MYO5C: variants seen among roughly 807,000 people sequenced by gnomAD.
MYO5C encodes myosin VC.
MYO5C carries 194 observed loss-of-function variants against 235.7 expected under a neutral mutation model. The observed-to-expected ratio is 0.82, with a 90% CI of 0.73 to 0.93. The LOEUF is 0.93. Among genes scored for constraint, MYO5C ranks in the 40% least tolerant of loss-of-function variants. The pLI is 0.00. For missense variants in MYO5C, 2,038 were observed against 2,127.2 expected, an observed-to-expected ratio of 0.96 and a Z score of 0.82; for synonymous variants, 707 against 754.8, an observed-to-expected ratio of 0.94 and a Z score of 1.04.
chr15:52,205,040 T>C lies in MYO5C; in HGVS notation c.4645A>G (p.Thr1549Ala), dbSNP rs1187379042. 1 of 1,614,056 alleles carries C rather than the reference T, an allele frequency of 6.2e-7. No individual in the cohort carries two copies. The highest frequency in any genetic ancestry group is 1.7e-5 in the Admixed American group (1 of 60,034). ...SIDDTDGYTM[T>A]SVLQQLSYFY... ...TAGCTCAGCTGTTGCAGGACGGAGG[T>C]CATGGTGTAGCCGTCCGTGTCGTCT... Residue 1549 changes from threonine (T) to alanine (A), a missense_variant, in exon 38 of 41, where the codon ACC becomes GCC. Transcript: ENST00000261839.
In MYO5C at chr15:52,211,710, A is replaced by G. The variant is rs762715367; in HGVS notation, c.4296+20T>C. On this transcript the variant is annotated intron_variant, in intron 35 of 40. Coordinates refer to ENST00000261839, the MANE Select transcript of MYO5C (RefSeq NM_018728.4). The stretch of plus-strand genomic sequence containing the variant: ...CCCATAGATGTGATACCAGGGGCCA[A>G]TGTCAAAGGCATTTCCTACCTTAAC... 4.3e-6 allele frequency: 7 copies of G among 1,610,502 alleles called. No homozygotes were observed. In the East Asian group the frequency reaches 8.9e-5, roughly 21 times the overall value.
chr15:52,292,927 T>C (rs1456031336), intron 1 of MYO5C, among the ~76,000 whole-genome samples: 1 of 151,944 alleles, frequency 6.6e-6, no homozygotes, highest in Non-Finnish European at 1.5e-5. Flanking sequence ...TGGCAAGGAG[T>C]CTGGCAGAGC....
chr15:52,242,133 C>T lies in MYO5C; in HGVS notation c.2471G>A (p.Arg824His), dbSNP rs751432732. ...IQKHCRGYLV[R>H]SLYQLIRMAT... ...CATGCGAATCAACTGATACAGGCTG[C>T]GAACAAGATACCCGCGGCAGTGCTT... Residue 824 changes from arginine to histidine, a missense_variant, in exon 20 of 41, where the codon CGC (arginine) becomes CAC (histidine). By Grantham distance (29) the Arg-to-His change is conservative (BLOSUM62 0). Transcript: ENST00000261839. 48 of 1,614,010 alleles carry T rather than the reference C, an allele frequency of 3.0e-5. No individual in the cohort carries two copies. In the South Asian group the frequency reaches 3.4e-4, roughly 11 times the overall value.
In MYO5C at chr15:52,291,738, T is replaced by TTTTGTTTTGTTTTG. The variant is rs1432583467; in HGVS notation, c.27+3871_27+3872insCAAAACAAAACAAA. Among the ~76,000 whole-genome samples, 414 of 80,266 alleles carry TTTTGTTTTGTTTTG rather than the reference T, an allele frequency of 5.2e-3. 10 individuals carry two copies. Among genetic ancestry groups the TTTTGTTTTGTTTTG allele is most frequent in the African/African-American group, 0.015 (344 of 23,352 alleles). 52.7% of individuals were successfully genotyped at this position (80,266 alleles called of 152,430 possible). A position where few individuals can be genotyped will look rare whatever the true frequency, so the allele number is the denominator to read the frequency against. ...TTTGTTTGCATATTTTATGTTTTTT[T>TTTTGTTTTGTTTTG]TTTTTTTTTTTTTTTTTTGAGACAG... On this transcript the variant is annotated intron_variant, in intron 1 of 40. Transcript: ENST00000261839.
chr15:52,240,107 C>A (rs1221700794), intron 20 of MYO5C, among the ~76,000 whole-genome samples: 1 of 152,194 alleles, frequency 6.6e-6, no homozygotes, highest in African/African-American at 2.4e-5. Flanking sequence ...CCAGGAAGGT[C>A]TTTATGCAGA....
Position 52,253,414 on chromosome 15 carries a change from A to G in MYO5C, c.1439T>C (p.Ile480Thr), listed in dbSNP as rs773799844. 1.2e-5 allele frequency: 20 copies of G among 1,613,870 alleles called. No homozygotes were observed. Among genetic ancestry groups the G allele is most frequent in the Non-Finnish European group, 1.4e-5 (17 of 1,179,852 alleles). The change falls in exon 12 of 41, where the codon ATA becomes ACA. Residue 480 changes from isoleucine (I) to threonine (T), a missense_variant. Transcript: ENST00000261839. Reference sequence around the variant, plus strand: ...ATAAAAATCTATCAGCGTCCAAGGTATATCTTCCTTCATGTATTCTTCTTG... The same window carrying G: ...ATAAAAATCTATCAGCGTCCAAGGTGTATCTTCCTTCATGTATTCTTCTTG... Reference protein sequence around the residue: ...LEQEEYMKEDIPWTLIDFYDN... With the variant: ...LEQEEYMKEDTPWTLIDFYDN...
At chr15:52,253,247 A>C in intron 12 of MYO5C, 70 bp downstream of exon 12, 2 of 1,480,436 alleles carry the variant, frequency 1.4e-6, no homozygotes, top group Non-Finnish European at 1.8e-6. Flanking sequence ...CACTTCAAAA[A>C]AACTGCTTTG....
rs114192112 is a variant in MYO5C at position 52,234,590 on chromosome 15, C to T, written c.2962+1080G>A. Among the ~76,000 whole-genome samples the T allele has an allele frequency of 3.2e-3, 488 of 152,292 alleles. 3 individuals carry two copies. Among genetic ancestry groups the T allele is most frequent in the African/African-American group, 0.011 (471 of 41,552 alleles). On this transcript the variant is annotated intron_variant, in intron 23 of 40. Coordinates refer to ENST00000261839, the MANE Select transcript of MYO5C (RefSeq NM_018728.4). ...TCAGGTTCAAGGTTTACTCCCGGAC[C>T]TCTGACATGCTCCTGTTCATCTCTG... is the stretch of plus-strand genomic sequence containing the variant.
At position 52,261,203 on chromosome 15, in the gene MYO5C, C is replaced by T. The variant is rs1016251056; in HGVS notation, c.1048-76G>A. 20 of 1,534,484 alleles carry T rather than the reference C, an allele frequency of 1.3e-5. No individual in the cohort carries two copies. The Admixed American group carries it at 2.4e-4, about 18-fold the overall frequency. On this transcript the variant is annotated intron_variant, in intron 9 of 40. Transcript: ENST00000261839. The stretch of plus-strand genomic sequence containing the variant: ...CACAATCCCACCCGGCCAAGGCCCC[C>T]GTGCCCACACTCAGGCCTGTGCAAG...
intron 4 of MYO5C, among the ~76,000 whole-genome samples, chr15:52,278,251 T>C (rs1485914894): frequency 6.6e-6 from 1 of 152,220 alleles, no homozygotes; most frequent in Admixed American, 6.5e-5. Flanking sequence ...ATCCCAGATC[T>C]GCCTTTTACT....
intron 21 of MYO5C, among the ~76,000 whole-genome samples, chr15:52,238,983 C>T (rs2036151704): frequency 7.3e-6 from 1 of 136,996 alleles, no homozygotes; most frequent in Non-Finnish European, 1.6e-5. Flanking sequence ...TGGAGTTTTG[C>T]TCTTGTTGCC....
At chr15:52,256,283 C>T (rs1227333328) in intron 11 of MYO5C, among the ~76,000 whole-genome samples, 1 of 151,916 alleles carries the variant, frequency 6.6e-6, no homozygotes, top group Non-Finnish European at 1.5e-5. Context: ...AACAGGAGCA[C>T]GTGGGTTAAG....
intron 28 of MYO5C, 69 bp from the exon 29 acceptor site, chr15:52,223,793 G>C (rs2035756552): frequency 7.0e-7 from 1 of 1,423,688 alleles, no homozygotes; most frequent in Admixed American, 2.3e-5. Context: ...CTGGGAGGCA[G>C]TTATGAAGAC....
At position 52,204,849 on chromosome 15, in the gene MYO5C, G is replaced by A; in HGVS notation, c.4820+16C>T. ...CTGCAGGCCTCTCCGCGTGAGCGGAGGTTTCTGGGTTTTACCTGATCTGCA... is the reference window on the plus strand; with the variant it reads ...CTGCAGGCCTCTCCGCGTGAGCGGAAGTTTCTGGGTTTTACCTGATCTGCA... On this transcript the variant is annotated intron_variant, in intron 38 of 40. Transcript: ENST00000261839. 1 of 1,611,504 alleles carries A rather than the reference G, an allele frequency of 6.2e-7. No homozygotes were observed. Among genetic ancestry groups the A allele is most frequent in the Non-Finnish European group, 8.5e-7 (1 of 1,178,936 alleles).
chr15:52,196,397 T>G lies in MYO5C; in HGVS notation c.4907A>C (p.Gln1636Pro). ...CTTGACCTGAAGCAACCAGGCTGCC[T>G]GAGAGAGGGGCTCCAAAGTTTCCTT... ...LAKETLEPLS[Q>P]AAWLLQVKKT... is the part of the protein sequence containing the mutation. The change falls in exon 39 of 41, where the codon CAG becomes CCG. Residue 1636 changes from glutamine to proline, a missense_variant. Gln to Pro is a moderately conservative substitution (Grantham distance 76). Coordinates refer to ENST00000261839, the MANE Select transcript of MYO5C (RefSeq NM_018728.4). 6.2e-7 allele frequency: 1 copy of G among 1,614,204 alleles called. No individual in the cohort carries two copies. The highest frequency in any genetic ancestry group is 8.5e-7 in the Non-Finnish European group (1 of 1,180,020).
chr15:52,247,307 A>G, intron 15 of MYO5C, 151 bp downstream of exon 15: 2 of 936,870 alleles, frequency 2.1e-6, no homozygotes, highest in South Asian at 3.2e-5. Context: ...TATGACGACG[A>G]TGAACTTTTT....
intron 38 of MYO5C, among the ~76,000 whole-genome samples, chr15:52,204,090 C>T (rs1323025184): frequency 2.0e-5 from 3 of 152,148 alleles, no homozygotes; most frequent in African/African-American, 7.2e-5. Flanking sequence ...CAAATAGTGG[C>T]TCAGGGTCCA....
intron 24 of MYO5C, among the ~76,000 whole-genome samples, chr15:52,231,704 G>A (rs1488128360): frequency 6.6e-6 from 1 of 152,120 alleles, no homozygotes; most frequent in Non-Finnish European, 1.5e-5. Flanking sequence ...TACCACCACA[G>A]GCAGCCCTGA....
At chr15:52,216,598 G>C (rs2035558689) in intron 32 of MYO5C, among the ~76,000 whole-genome samples, 1 of 151,128 alleles carries the variant, frequency 6.6e-6, no homozygotes, top group Non-Finnish European at 1.5e-5. Flanking sequence ...ATTACTAAAA[G>C]TTTTTTTTTA....
Sources: gnomAD v4.1 joint callset for allele counts (sites outside exome capture counted in the v4.1 genomes callset) on GRCh38, gnomAD v4.1.1 for gene constraint, MANE v1.5 for transcripts, NCBI Gene and HGNC (gene_info 2026-07-23, HGNC 2026-07-21) for gene names.